Variants in CD99L2 observed in about 807,000 individuals in gnomAD.
The protein encoded by CD99L2 is CD99 antigen-like protein 2.
CD99L2 carries 24 observed loss-of-function variants against 27.3 expected under a neutral mutation model. That is an observed-to-expected ratio of 0.88 (90% CI 0.64 to 1.24). The LOEUF (loss-of-function observed/expected upper bound fraction) is 1.24, where lower values mean the gene tolerates loss of function less well. Among genes scored for constraint, CD99L2 ranks in the 50% most tolerant of loss-of-function variants. The pLI, the probability that CD99L2 is intolerant of heterozygous loss-of-function variation, is 0.00. For missense variants in CD99L2, 255 were observed against 221.6 expected, an observed-to-expected ratio of 1.15 and a Z score of -0.96; for synonymous variants, 97 against 87.9, an observed-to-expected ratio of 1.10 and a Z score of -0.58.
chrX:150,840,401 C>T (rs2046606842), intron 1 of CD99L2, among the ~76,000 whole-genome samples: 1 of 106,948 alleles, frequency 9.4e-6, no homozygotes, highest in African/African-American at 3.4e-5. Flanking sequence ...TTTAGGTGAA[C>T]AACATATATA....
chrX:150,892,382 G>A (rs782162354), intron 1 of CD99L2, among the ~76,000 whole-genome samples: 4 of 109,185 alleles, frequency 3.7e-5, no homozygotes, highest in South Asian at 4.0e-4. Context: ...CGAGGCAGGC[G>A]GATCACGAGG....
intron 1 of CD99L2, among the ~76,000 whole-genome samples, chrX:150,873,943 T>G (rs1186840001): frequency 8.9e-6 from 1 of 112,589 alleles, no homozygotes; most frequent in African/African-American, 3.2e-5. Flanking sequence ...AATTCAATCC[T>G]ATTTCCAATG....
intron 2 of CD99L2, among the ~76,000 whole-genome samples, chrX:150,824,536 AGAAG>A (rs2046327815): frequency 1.1e-5 from 1 of 92,358 alleles, no homozygotes; most frequent in African/African-American, 3.9e-5. Flanking sequence ...AGAAGAAGAA[AGAAG>A]GAAGAAGGAA....
intron 2 of CD99L2, among the ~76,000 whole-genome samples, chrX:150,816,870 G>A (rs1445190965): frequency 4.5e-5 from 5 of 109,994 alleles, no homozygotes; most frequent in African/African-American, 1.7e-4. Flanking sequence ...TACAGCCATA[G>A]AAAAGGGTGA....
At chrX:150,810,321 G>C (rs1400000547) in intron 4 of CD99L2, among the ~76,000 whole-genome samples, 1 of 111,881 alleles carries the variant, frequency 8.9e-6, no homozygotes, top group Admixed American at 9.5e-5. Context: ...CAAATATGTG[G>C]AAACTAAACA....
intron 7 of CD99L2, among the ~76,000 whole-genome samples, chrX:150,786,221 T>A (rs1175594847): frequency 9.0e-6 from 1 of 111,601 alleles, no homozygotes; most frequent in Non-Finnish European, 1.9e-5. Context: ...TTTTGGTTTT[T>A]TTTTTTAAAA....
chrX:150,856,571 ATAAT>A (rs1338288133), intron 1 of CD99L2, among the ~76,000 whole-genome samples: 3 of 4,177 alleles, frequency 7.2e-4, no homozygotes, highest in African/African-American at 4.7e-3. Context: ...CCAGGCTAAA[ATAAT>A]AATAATAATA....
chrX:150,874,108 AG>A (rs2047195303), intron 1 of CD99L2, among the ~76,000 whole-genome samples: 1 of 112,305 alleles, frequency 8.9e-6, no homozygotes, highest in African/African-American at 3.2e-5. Context: ...AGAAAACCAG[AG>A]TTCTTGGCCT....
At chrX:150,798,209 A>AAGG (rs2045840154) in intron 4 of CD99L2, among the ~76,000 whole-genome samples, 1 of 15,142 alleles carries the variant, frequency 6.6e-5, no homozygotes, top group Non-Finnish European at 1.0e-4. Flanking sequence ...GGGAGGGAGG[A>AAGG]AAGGAAGGAA....
intron 1 of CD99L2, among the ~76,000 whole-genome samples, chrX:150,847,981 C>T (rs1557421502): frequency 9.0e-6 from 1 of 110,648 alleles, no homozygotes; most frequent in Non-Finnish European, 1.9e-5. Flanking sequence ...ATTCTCCACA[C>T]AGCAGGCAGG....
rs1168390431 is a variant in CD99L2 at position 150,795,287 on chromosome X, T to C, written c.349A>G (p.Asn117Asp). The C allele has an allele frequency of 2.5e-6, 3 of 1,209,962 alleles. No homozygotes were observed. Among genetic ancestry groups the C allele is most frequent in the Non-Finnish European group, 3.4e-6 (3 of 895,077 alleles). ...AGGGCATCAGCCAAGTCAAAATCAT[T>C]TCCTTCATGGGGTCCCAAAATAAAA... ...TTRAPANTLG[N>D]DFDLADALDD... The change falls in exon 6 of 11, where the codon AAT becomes GAT. Residue 117 changes from asparagine to aspartate, a missense_variant and splice_region_variant. By Grantham distance (23) the Asn-to-Asp change is conservative. Transcript: ENST00000370377.
chrX:150,874,622 A>G (rs782317437), intron 1 of CD99L2, among the ~76,000 whole-genome samples: 2 of 111,341 alleles, frequency 1.8e-5, no homozygotes, highest in African/African-American at 6.5e-5. Flanking sequence ...GAAATGCCAC[A>G]CCCAGGTTTG....
intron 7 of CD99L2, among the ~76,000 whole-genome samples, chrX:150,783,593 TA>T (rs2045549339): frequency 8.9e-6 from 1 of 111,960 alleles, no homozygotes; most frequent in South Asian, 3.8e-4. Flanking sequence ...CCTCTTGGTG[TA>T]AAAATGTGCC....
At position 150,795,233 on chromosome X, in the gene CD99L2, G is replaced by A. The variant is rs782262501; in HGVS notation, c.403C>T (p.Arg135Cys). ...LDDRNDRDDGRRKPIAGGGGF... is the reference protein window; with the variant it reads ...LDDRNDRDDGCRKPIAGGGGF... ...CCTCCTCCAGCAATTGGTTTCCTGC[G>A]GCCATCATCTCGATCATTTCGATCA... The change falls in exon 6 of 11, where the codon CGC becomes TGC. Residue 135 changes from arginine to cysteine, a missense_variant. Transcript: ENST00000370377. The A allele has an allele frequency of 3.4e-5, 41 of 1,209,933 alleles. No homozygotes were observed. Among genetic ancestry groups the A allele is most frequent in the African/African-American group, 7.0e-5 (4 of 57,167 alleles).
intron 1 of CD99L2, among the ~76,000 whole-genome samples, chrX:150,865,132 A>G (rs1206556655): frequency 1.8e-5 from 2 of 110,910 alleles, no homozygotes; most frequent in African/African-American, 6.6e-5. Context: ...TGGGAGGAAA[A>G]AAAGAGTGGT....
intron 2 of CD99L2, chrX:150,829,044 T>A (rs150707856): frequency 2.4e-3 from 268 of 111,490 alleles, no homozygotes; most frequent in Non-Finnish European, 4.0e-3. Context: ...AAGGCACAGG[T>A]TTATGTGTGA....
At chrX:150,790,920 T>C (rs2045676825) in intron 7 of CD99L2, among the ~76,000 whole-genome samples, 1 of 111,598 alleles carries the variant, frequency 9.0e-6, no homozygotes, top group African/African-American at 3.3e-5. Context: ...TCCAATGTGA[T>C]GATATTAGGA....
intron 1 of CD99L2, among the ~76,000 whole-genome samples, chrX:150,853,932 T>C (rs1557421667): frequency 8.9e-6 from 1 of 111,874 alleles, no homozygotes; most frequent in African/African-American, 3.3e-5. Flanking sequence ...CAGTATGATA[T>C]GACAAAAAAG....
At position 150,783,354 on chromosome X, in the gene CD99L2, T is replaced by G. The variant is rs191325863; in HGVS notation, c.497-5872A>C. 9.9e-5 allele frequency among the ~76,000 whole-genome samples: 11 copies of G among 111,311 alleles called. No homozygotes were observed. The South Asian group carries it at 1.2e-3, about 12-fold the overall frequency. ...TCAACAGGCTACATTTGGAGGGAAC[T>G]AATACTCAAAGTTACAGTCAACCAA... is the stretch of plus-strand genomic sequence containing the variant. On this transcript the variant is annotated intron_variant, in intron 7 of 10. Transcript: ENST00000370377.
Sources: gnomAD v4.1 joint callset for allele counts (sites outside exome capture counted in the v4.1 genomes callset) on GRCh38, gnomAD v4.1.1 for gene constraint, MANE v1.5 for transcripts, NCBI Gene and HGNC (gene_info 2026-07-23, HGNC 2026-07-21) for gene names.